The following PPA2 variants were observed in gnomAD, a reference collection of about 807,000 sequenced individuals.
The protein encoded by PPA2 is inorganic pyrophosphatase 2, also known as inorganic pyrophosphatase 2, mitochondrial.
A neutral mutation model predicts 49.5 loss-of-function variants in PPA2; 48 were observed. The ratio of observed to expected loss-of-function variants is 0.97; its 90% CI spans 0.77 to 1.23. The LOEUF is 1.23. Ranked by LOEUF, PPA2 falls within the 50% of genes most tolerant of loss-of-function variation. The pLI, the probability that PPA2 is intolerant of heterozygous loss-of-function variation, is 0.00. For synonymous variants in PPA2, 131 were observed against 139.9 expected (o/e 0.94, Z 0.45); for missense variants, 429 against 410.1 (o/e 1.05, Z -0.40).
chr4:105,443,114 A>G (rs1277762423), intron 5 of PPA2, among the ~76,000 whole-genome samples: 2 of 152,168 alleles, frequency 1.3e-5, no homozygotes, highest in East Asian at 3.9e-4. Flanking sequence ...ACAATTTGGC[A>G]GGTGTTATAG....
chr4:105,473,733 C>A, intron 1 of PPA2, 161 bp downstream of exon 1: 1 of 1,094,352 alleles, frequency 9.1e-7, no homozygotes, highest in Non-Finnish European at 1.4e-6. Flanking sequence ...ACTCGGTGCG[C>A]GCTCCCGCGG....
intron 1 of PPA2, among the ~76,000 whole-genome samples, chr4:105,466,553 T>C (rs1323553499): frequency 3.3e-5 from 5 of 152,132 alleles, no homozygotes; most frequent in African/African-American, 1.2e-4. Context: ...AAGAAAGAAT[T>C]CAACTGAGGG....
chr4:105,380,920 T>C (rs1473145902), intron 10 of PPA2, among the ~76,000 whole-genome samples: 1 of 152,074 alleles, frequency 6.6e-6, no homozygotes, highest in Non-Finnish European at 1.5e-5. Context: ...GAAGGGTAAT[T>C]TCTGAGTAGT....
Position 105,396,346 on chromosome 4 carries a change from C to T in PPA2, c.784-12G>A, listed in dbSNP as rs1734144392. 2.1e-6 allele frequency: 3 copies of T among 1,451,180 alleles called. No homozygotes were observed. Among genetic ancestry groups the T allele is most frequent in the Admixed American group, 2.7e-5 (1 of 37,390 alleles). 89.9% of individuals were successfully genotyped at this position (1,451,180 alleles called of 1,614,324 possible). A position where few individuals can be genotyped will look rare whatever the true frequency, so the allele number is the denominator to read the frequency against. On this transcript the variant is annotated splice_polypyrimidine_tract_variant and intron_variant, in intron 8 of 11. Transcript: ENST00000341695. The stretch of plus-strand genomic sequence containing the variant: ...TCAAGAGCAAAAGCCTAGCTCCAAA[C>T]AAACAAATAAAAAAAGACGTATTTA...
At chr4:105,460,692 G>T (rs73836223) in intron 1 of PPA2, among the ~76,000 whole-genome samples, 1,600 of 152,148 alleles carry the variant, frequency 0.011, 35 homozygotes, top group African/African-American at 0.035. Flanking sequence ...ACAAACAAGG[G>T]AAGTTTGTTA....
intron 3 of PPA2, among the ~76,000 whole-genome samples, chr4:105,450,219 T>A (rs924249560): frequency 6.6e-6 from 1 of 152,158 alleles, no homozygotes; most frequent in African/African-American, 2.4e-5. Context: ...ACAACGATGG[T>A]TTAAAACACT....
intron 7 of PPA2, among the ~76,000 whole-genome samples, chr4:105,421,935 C>A (rs1723270797): frequency 6.6e-6 from 1 of 151,906 alleles, no homozygotes; most frequent in Non-Finnish European, 1.5e-5. Flanking sequence ...CCCAACTAGT[C>A]AGGAGGCTGA....
Position 105,446,383 on chromosome 4 carries a change from C to T in PPA2, c.441G>A (p.Gln147=). 2.6e-6 allele frequency: 4 copies of T among 1,548,956 alleles called. No homozygotes were observed. Among genetic ancestry groups the T allele is most frequent in the Non-Finnish European group, 3.5e-6 (4 of 1,147,624 alleles). Residue 147 remains glutamine (Q), a splice_region_variant and synonymous_variant, in exon 5 of 12, where the codon CAG becomes CAA. Transcript: ENST00000341695. ...TTTACCATTGTAACAAAAATGTTAC[C>T]TGAGGGAGGGTACCATAATTCCATA... ...GYIWNYGTLP[Q]TWEDPHEKDK...
intron 7 of PPA2, among the ~76,000 whole-genome samples, chr4:105,407,510 AACATGTTC>A (rs1386255993): frequency 7.5e-6 from 1 of 133,372 alleles, no homozygotes; most frequent in Non-Finnish European, 1.6e-5. Context: ...TGGAAATGAA[AACATGTTC>A]ACATGAAGAC....
At chr4:105,409,373 G>C (rs982074020) in intron 7 of PPA2, among the ~76,000 whole-genome samples, 3 of 152,256 alleles carry the variant, frequency 2.0e-5, no homozygotes, top group African/African-American at 7.2e-5. Flanking sequence ...GCTGAGGCTT[G>C]AGTAGGTAAA....
intron 7 of PPA2, among the ~76,000 whole-genome samples, chr4:105,406,792 T>C (rs1160074184): frequency 1.3e-5 from 2 of 152,154 alleles, no homozygotes; most frequent in Non-Finnish European, 2.9e-5. Context: ...AGTGGACCTG[T>C]ACAGTTCAAA....
chr4:105,454,350 CAG>C (rs1722796031), intron 2 of PPA2, among the ~76,000 whole-genome samples: 2 of 149,226 alleles, frequency 1.3e-5, no homozygotes, highest in South Asian at 2.1e-4. Flanking sequence ...GTTTTTGAGA[CAG>C]AGTCTCGCTC....
intron 4 of PPA2, among the ~76,000 whole-genome samples, chr4:105,448,476 G>A (rs1722508944): frequency 1.3e-5 from 2 of 151,316 alleles, no homozygotes; most frequent in Admixed American, 1.3e-4. Context: ...GAACTATAAG[G>A]AAGCTTATAT....
intron 1 of PPA2, among the ~76,000 whole-genome samples, chr4:105,458,737 G>A (rs1366924608): frequency 7.1e-6 from 1 of 140,896 alleles, no homozygotes; most frequent in African/African-American, 2.7e-5. Context: ...CAGGAGAATA[G>A]CTTCAACCCA....
intron 7 of PPA2, among the ~76,000 whole-genome samples, chr4:105,404,809 C>T (rs571116784): frequency 4.2e-4 from 64 of 152,222 alleles, no homozygotes; most frequent in East Asian, 3.7e-3. Flanking sequence ...AGGCCAGGCA[C>T]GGTGGCTCAC....
chr4:105,473,679 C>T, intron 1 of PPA2: 1 of 824,194 alleles, frequency 1.2e-6, no homozygotes, highest in South Asian at 1.4e-5. Flanking sequence ...CTGCTCTCCG[C>T]TTTGGGGTCT....
chr4:105,473,850 G>T, intron 1 of PPA2, 44 bp downstream of exon 1: 4 of 1,568,374 alleles, frequency 2.6e-6, no homozygotes, highest in Non-Finnish European at 2.6e-6. Flanking sequence ...CCCCACCCAG[G>T]TTTCTCCGGT....
At chr4:105,424,582 T>G (rs1455397853) in intron 6 of PPA2, among the ~76,000 whole-genome samples, 8 of 152,124 alleles carry the variant, frequency 5.3e-5, no homozygotes, top group Non-Finnish European at 7.4e-5. Flanking sequence ...ACTAAAAAAC[T>G]GGACAAAATA....
intron 8 of PPA2, among the ~76,000 whole-genome samples, chr4:105,396,904 C>A (rs1198551921): frequency 2.0e-5 from 3 of 152,130 alleles, no homozygotes; most frequent in Non-Finnish European, 2.9e-5. Flanking sequence ...AAACTGCAGG[C>A]AGTCTAAATG....
Sources: allele counts gnomAD v4.1 joint callset (sites outside exome capture counted in the v4.1 genomes callset), GRCh38; gene constraint gnomAD v4.1.1; transcripts MANE v1.5; gene names NCBI Gene and HGNC (gene_info 2026-07-23, HGNC 2026-07-21).